Variants in CACNA1A observed in about 807,000 individuals in gnomAD.
The protein encoded by CACNA1A is voltage-dependent P/Q-type calcium channel subunit alpha-1A.
In CACNA1A, 57 loss-of-function variants were observed where a neutral mutation model predicts 262.4. The observed-to-expected ratio is 0.22, with a 90% CI of 0.18 to 0.27. CACNA1A has a LOEUF of 0.27. Ranked by LOEUF, CACNA1A falls within the 10% of genes least tolerant of loss-of-function variation. The pLI is 1.00. For synonymous variants in CACNA1A, 1,431 were observed against 1,419.3 expected (o/e 1.01, Z -0.18); for missense variants, 2,526 against 3,562.8 (o/e 0.71, Z 7.41).
intron 36 of CACNA1A, chr19:13,228,902 G>A: frequency 1.8e-6 from 1 of 565,454 alleles, no homozygotes; most frequent in Middle Eastern, 3.6e-4. Context: ...TGGCTTGAAG[G>A]AGTGGGAGAG....
rs371161901 is a variant in CACNA1A at position 13,308,460 on chromosome 19, G to A, written c.1737C>T (p.Ser579=). The A allele has an allele frequency of 8.1e-6, 13 of 1,613,136 alleles. No individual in the cohort carries two copies. Among genetic ancestry groups the A allele is most frequent in the African/African-American group, 1.3e-5 (1 of 74,956 alleles). ...GCAATAACCTGAGGGCTCGTAACAC[G>A]CTGATTCCAAAGGATGTGCCAGGTT... The part of the protein sequence containing the change: ...VIKPGTSFGI[S]VLRALRLLRI... The change falls in exon 13 of 47, where the codon AGC becomes AGT. Residue 579 remains serine (S), a synonymous_variant. Coordinates refer to ENST00000360228, the MANE Select transcript of CACNA1A (RefSeq NM_001127222.2). The surrounding 1 kb of genome is among the most constrained non-coding windows in gnomAD (Gnocchi z 4.2).
chr19:13,273,235 G>C (rs1044144789), intron 24 of CACNA1A: 2 of 152,196 alleles, frequency 1.3e-5, no homozygotes, highest in Admixed American at 6.5e-5. Flanking sequence ...CAAAATGCTA[G>C]GGTTACAGGC....
intron 24 of CACNA1A, among the ~76,000 whole-genome samples, chr19:13,263,714 C>A (rs1228664178): frequency 6.6e-6 from 1 of 151,412 alleles, no homozygotes; most frequent in South Asian, 2.1e-4. Context: ...AGAGATGGGG[C>A]TTCACCATGT....
At chr19:13,461,031 T>A (rs554249270) in intron 1 of CACNA1A, among the ~76,000 whole-genome samples, 3 of 152,200 alleles carry the variant, frequency 2.0e-5, no homozygotes, top group African/African-American at 7.2e-5. Flanking sequence ...CTCTATATAG[T>A]AGATGCTCAA....
At chr19:13,490,713 GAAAGAAAGAAAGAAAGAA>G (rs1242475831) in intron 1 of CACNA1A, among the ~76,000 whole-genome samples, 22 of 122,982 alleles carry the variant, frequency 1.8e-4, no homozygotes, top group Non-Finnish European at 5.0e-5. Context: ...AAGAAAGAAA[GAAAGAAAGAAAGAAAGAA>G]AGAGAAAAGA....
chr19:13,241,481 A>T lies in CACNA1A; in HGVS notation c.4950+3701T>A. 7.2e-7 allele frequency: 1 copy of T among 1,380,478 alleles called. No homozygotes were observed. The allele number at this position is 1,380,478 out of a possible 1,614,324, so 85.5% of individuals were successfully genotyped here. On this transcript the variant is annotated intron_variant, in intron 31 of 46. Transcript: ENST00000360228. The surrounding 1 kb of genome is among the most constrained non-coding windows in gnomAD (Gnocchi z 4.0). ...GACGCGAGGAGATGCGTTCACAGTT[A>T]ATGTAAGGCATTTAGACTTCAGAAA...
At chr19:13,321,450 G>A (rs753764800) in intron 10 of CACNA1A, among the ~76,000 whole-genome samples, 2 of 152,170 alleles carry the variant, frequency 1.3e-5, no homozygotes, top group Non-Finnish European at 2.9e-5. Context: ...ATACAGCCAT[G>A]TGTGGCTTAA....
chr19:13,381,112 C>G (rs965943575), intron 3 of CACNA1A, among the ~76,000 whole-genome samples: 45 of 152,136 alleles, frequency 3.0e-4, no homozygotes, highest in African/African-American at 8.7e-4. Context: ...CTGCTGGGCA[C>G]AAAAGCTCCT....
intron 44 of CACNA1A, among the ~76,000 whole-genome samples, chr19:13,209,958 A>C (rs934223348): frequency 1.3e-5 from 2 of 151,946 alleles, no homozygotes; most frequent in Non-Finnish European, 2.9e-5. Context: ...TGGCTGACCT[A>C]TGGGCTCAGG....
At chr19:13,380,736 T>G (rs566242623) in intron 3 of CACNA1A, among the ~76,000 whole-genome samples, 49 of 82,102 alleles carry the variant, frequency 6.0e-4, no homozygotes, top group Non-Finnish European at 7.7e-4. Context: ...TTTATTGGTT[T>G]GTTTGTTTGT....
chr19:13,217,103 T>C (rs954383187), intron 38 of CACNA1A, among the ~76,000 whole-genome samples: 27 of 152,012 alleles, frequency 1.8e-4, no homozygotes, highest in Non-Finnish European at 1.0e-4. Flanking sequence ...GCCACTGCAC[T>C]CCAGCCTGGG....
At chr19:13,243,459 C>T (rs568318782) in intron 31 of CACNA1A, among the ~76,000 whole-genome samples, 1 of 152,156 alleles carries the variant, frequency 6.6e-6, no homozygotes, top group African/African-American at 2.4e-5. Context: ...TGGGACACCC[C>T]AGGAGCTGTC....
intron 3 of CACNA1A, among the ~76,000 whole-genome samples, chr19:13,429,877 A>G (rs1328125824): frequency 6.6e-6 from 1 of 150,872 alleles, no homozygotes; most frequent in Non-Finnish European, 1.5e-5. Context: ...AAAGACAAAT[A>G]CTGTATGATT....
chr19:13,501,045 G>A (rs1473932345), intron 1 of CACNA1A, among the ~76,000 whole-genome samples: 1 of 152,130 alleles, frequency 6.6e-6, no homozygotes, highest in Admixed American at 6.5e-5. Flanking sequence ...GCTGACTCAA[G>A]AGGGGCACTG....
At chr19:13,248,854 A>T (rs2056322634) in intron 30 of CACNA1A, among the ~76,000 whole-genome samples, 1 of 146,198 alleles carries the variant, frequency 6.8e-6, no homozygotes, top group East Asian at 2.0e-4. Context: ...AAAAAAAAAA[A>T]ATAATAATAA....
chr19:13,360,321 G>GAGAAC (rs2059084080), intron 5 of CACNA1A, among the ~76,000 whole-genome samples: 1 of 133,454 alleles, frequency 7.5e-6, no homozygotes, highest in African/African-American at 3.1e-5. Flanking sequence ...GGGAGAGAAC[G>GAGAAC]GGGGGAGAGA....
chr19:13,272,260 T>C (rs1272555233), intron 24 of CACNA1A: 1 of 152,238 alleles, frequency 6.6e-6, no homozygotes, highest in Non-Finnish European at 1.5e-5. Flanking sequence ...GTAAGCATTG[T>C]GTGTGGACAG....
intron 3 of CACNA1A, among the ~76,000 whole-genome samples, chr19:13,396,726 C>G (rs1173606229): frequency 1.3e-5 from 2 of 152,208 alleles, no homozygotes; most frequent in Non-Finnish European, 2.9e-5. Flanking sequence ...ATGGTGCAAA[C>G]TAGTCATTCC....
At position 13,428,048 on chromosome 19, in the gene CACNA1A, C is replaced by T. The variant is rs550338993; in HGVS notation, c.539+24828G>A. Among the ~76,000 whole-genome samples the T allele has an allele frequency of 2.6e-5, 4 of 152,266 alleles. No individual in the cohort carries two copies. The South Asian group carries it at 8.3e-4, about 32-fold the overall frequency. ...CTGGGTTCAAGCGATTCTCCTACCT[C>T]AGCCAAGTAGCTGGGATTACAGGCA... On this transcript the variant is annotated intron_variant, in intron 3 of 46. Transcript: ENST00000360228.
Sources: allele counts gnomAD v4.1 joint callset (sites outside exome capture counted in the v4.1 genomes callset), GRCh38; gene constraint gnomAD v4.1.1; non-coding constraint Gnocchi (gnomAD v3.1); transcripts MANE v1.5; gene names NCBI Gene and HGNC (gene_info 2026-07-23, HGNC 2026-07-21).